Variants in PKDREJ observed in about 807,000 individuals in gnomAD.
PKDREJ encodes the protein polycystin family receptor for egg jelly.
For synonymous variants in PKDREJ, 1,031 were observed against 1,095.5 expected (o/e 0.94, Z 1.16); for missense variants, 2,507 against 2,807.2 (o/e 0.89, Z 2.42).
chr22:46,256,906 A>G lies in PKDREJ; in HGVS notation c.6417T>C (p.Thr2139=). 1.2e-6 allele frequency: 2 copies of G among 1,614,058 alleles called. No individual in the cohort carries two copies. Among genetic ancestry groups the G allele is most frequent in the Non-Finnish European group, 1.7e-6 (2 of 1,180,020 alleles). Residue 2139 remains threonine (T), a synonymous_variant, in exon 1 of 1, where the codon ACT becomes ACC. Transcript: ENST00000253255. The surrounding 1 kb of genome is among the most constrained non-coding windows in gnomAD (Gnocchi z 5.3). The part of the protein sequence containing the change: ...FSYCVSAFQN[T]EFSNNRILGV... ...CCAGAATCCTGTTATTGGAAAATTC[A>G]GTGTTCTGGAAAGCTGAGACACAAT...
chr22:46,256,724 A>C lies in PKDREJ; in HGVS notation c.6599T>G (p.Leu2200Arg). 1 of 1,614,168 alleles carries C rather than the reference A, an allele frequency of 6.2e-7. No individual in the cohort carries two copies. The highest frequency in any genetic ancestry group is 8.5e-7 in the Non-Finnish European group (1 of 1,180,036). ...GGTCAGAAAGCTGAACATGGTTCTCAGCTTACGGCACAAATAGGTCATTGC... is the reference window on the plus strand; with the variant it reads ...GGTCAGAAAGCTGAACATGGTTCTCCGCTTACGGCACAAATAGGTCATTGC... ...VEAMTYLCRK[L>R]RTMFSFLTSQ... Residue 2200 changes from leucine to arginine, a missense_variant, in exon 1 of 1, where the codon CTG (leucine) becomes CGG (arginine). Coordinates refer to ENST00000253255, the MANE Select transcript of PKDREJ (RefSeq NM_006071.2). The surrounding 1 kb of genome is among the most constrained non-coding windows in gnomAD (Gnocchi z 5.3).
chr22:46,257,497 A>C lies in PKDREJ; in HGVS notation c.5826T>G (p.Val1942=), dbSNP rs953635545. Residue 1942 remains valine (V), a synonymous_variant, in exon 1 of 1, where the codon GTT becomes GTG. Transcript: ENST00000253255. This position sits in a 1 kb window ranked among gnomAD's most constrained non-coding sequence, Gnocchi z 4.7. ...SVIFEVSQLG[V]VNTSISLHSF... The stretch of plus-strand genomic sequence containing the variant: ...AGTGCAGAGATATGCTTGTGTTGAC[A>C]ACTCCTAACTGAGAGACTTCAAATA... The C allele has an allele frequency of 1.9e-6, 3 of 1,614,010 alleles. No homozygotes were observed. Among genetic ancestry groups the C allele is most frequent in the African/African-American group, 1.3e-5 (1 of 74,944 alleles).
rs1260046585 is a variant in PKDREJ at position 46,262,296 on chromosome 22, C to A, written c.1027G>T (p.Asp343Tyr). Residue 343 changes from aspartate (D) to tyrosine (Y), a missense_variant, in exon 1 of 1, where the codon GAT (aspartate) becomes TAT (tyrosine). Coordinates refer to ENST00000253255, the MANE Select transcript of PKDREJ (RefSeq NM_006071.2). The surrounding 1 kb of genome is among the most constrained non-coding windows in gnomAD (Gnocchi z 8.1). ...GTGAAATTAGCTGTTATGTTGGCAT[C>A]GCCAAGCATCACCGCCTGCAGGGAA... The part of the protein sequence containing the change: ...RSSLQAVMLG[D>Y]ANITANFTEQ... The A allele has an allele frequency of 1.2e-6, 2 of 1,614,062 alleles. No individual in the cohort carries two copies. The highest frequency in any genetic ancestry group is 2.2e-5 in the South Asian group (2 of 91,090).
rs778708839 is a variant in PKDREJ, at chr22:46,259,606, T to C, written c.3717A>G (p.Gly1239=). The C allele has an allele frequency of 1.2e-6, 2 of 1,614,150 alleles. No homozygotes were observed. The highest frequency in any genetic ancestry group is 2.2e-5 in the South Asian group (2 of 91,084). ...CCCTGGTCCCAGACCCCCAACGACT[T>C]CCTGTAAAAATAGTCACCAAGTAGC... ...NLCYLVTIFT[G]SRWGSGTRAN... Residue 1239 remains glycine, a synonymous_variant, in exon 1 of 1, where the codon GGA becomes GGG. Coordinates refer to ENST00000253255, the MANE Select transcript of PKDREJ (RefSeq NM_006071.2). The surrounding 1 kb of genome is among the most constrained non-coding windows in gnomAD (Gnocchi z 6.8).
At position 46,263,032 on chromosome 22, in the gene PKDREJ, G is replaced by A; in HGVS notation, c.291C>T (p.Leu97=). Residue 97 remains leucine, a synonymous_variant, in exon 1 of 1, where the codon CTC becomes CTT. Coordinates refer to ENST00000253255, the MANE Select transcript of PKDREJ (RefSeq NM_006071.2). The surrounding 1 kb of genome is among the most constrained non-coding windows in gnomAD (Gnocchi z 9.4). The part of the protein sequence containing the change: ...RWYCLDLRVL[L]SAQRLPWPAA... ...CCGGCCAGGGCAGGCGTTGGGCGCT[G>A]AGCAGGACGCGCAAGTCGAGGCAGT... 1 of 1,323,152 alleles carries A rather than the reference G, an allele frequency of 7.6e-7. No individual in the cohort carries two copies. The highest frequency in any genetic ancestry group is 9.7e-7 in the Non-Finnish European group (1 of 1,026,490). The allele number at this position is 1,323,152 out of a possible 1,614,324, so 82.0% of individuals were successfully genotyped here.
Position 46,256,625 on chromosome 22 carries a change from T to A in PKDREJ, c.6698A>T (p.His2233Leu). 1 of 1,614,192 alleles carries A rather than the reference T, an allele frequency of 6.2e-7. No homozygotes were observed. Among genetic ancestry groups the A allele is most frequent in the East Asian group, 2.2e-5 (1 of 44,892 alleles). The change falls in exon 1 of 1, where the codon CAC becomes CTC. Residue 2233 changes from histidine (H) to leucine (L), a missense_variant. Transcript: ENST00000253255. This position sits in a 1 kb window ranked among gnomAD's most constrained non-coding sequence, Gnocchi z 5.3. The part of the protein sequence containing the change: ...MLYGQPEKNS[H>L]RYLGLKTRNI... Reference sequence around the variant, plus strand: ...TCTGGTCTTCAGCCCCAGATAACGGTGGCTGTTCTTCTCTGGCTGCCCATA... The same window carrying A: ...TCTGGTCTTCAGCCCCAGATAACGGAGGCTGTTCTTCTCTGGCTGCCCATA...
chr22:46,256,388 C>T lies in PKDREJ; in HGVS notation c.*173G>A, dbSNP rs1936631665. The T allele has an allele frequency of 7.0e-6, 8 of 1,147,892 alleles. No homozygotes were observed. In the South Asian group the frequency reaches 1.3e-4, roughly 18 times the overall value. The allele number at this position is 1,147,892 out of a possible 1,614,324, so 71.1% of individuals were successfully genotyped here. On this transcript the variant is annotated 3_prime_UTR_variant, in exon 1 of 1. Coordinates refer to ENST00000253255, the MANE Select transcript of PKDREJ (RefSeq NM_006071.2). This position sits in a 1 kb window ranked among gnomAD's most constrained non-coding sequence, Gnocchi z 5.3. ...TGCTACACTACACTCCCAACTTTTA[C>T]ACTCCCAAGAGCAGAGGACAAGATT...
Position 46,263,005 on chromosome 22 carries a change from G to C in PKDREJ, c.318C>G (p.Ala106=), listed in dbSNP as rs1936717145. The part of the protein sequence containing the change: ...LLSAQRLPWP[A]APALALVDLQ... ...GGTCGACGAGCGCGAGCGCGGGCGC[G>C]GCCGGCCAGGGCAGGCGTTGGGCGC... The change falls in exon 1 of 1, where the codon GCC becomes GCG. Residue 106 remains alanine (A), a synonymous_variant. Transcript: ENST00000253255. The surrounding 1 kb of genome is among the most constrained non-coding windows in gnomAD (Gnocchi z 9.4). The C allele has an allele frequency of 1.6e-6, 2 of 1,254,390 alleles. No individual in the cohort carries two copies. Among genetic ancestry groups the C allele is most frequent in the Middle Eastern group, 3.2e-4 (1 of 3,110 alleles). 77.7% of individuals were successfully genotyped at this position (1,254,390 alleles called of 1,614,324 possible).
chr22:46,262,398 C>A lies in PKDREJ; in HGVS notation c.925G>T (p.Val309Leu). The change falls in exon 1 of 1, where the codon GTG (valine) becomes TTG (leucine). Residue 309 changes from valine to leucine, a missense_variant. Coordinates refer to ENST00000253255, the MANE Select transcript of PKDREJ (RefSeq NM_006071.2). The surrounding 1 kb of genome is among the most constrained non-coding windows in gnomAD (Gnocchi z 8.1). Reference protein sequence around the residue: ...QWGVYVFNFTVSITTGNPKMP... With the variant: ...QWGVYVFNFTLSITTGNPKMP... ...TTGGGGTTCCCTGTGGTGATGGACA[C>A]CGTGAAATTAAACACATACACTCCC... 1 of 1,613,916 alleles carries A rather than the reference C, an allele frequency of 6.2e-7. No homozygotes were observed. The highest frequency in any genetic ancestry group is 1.3e-5 in the African/African-American group (1 of 75,052).
At position 46,259,434 on chromosome 22, in the gene PKDREJ, G is replaced by A. The variant is rs2147774882; in HGVS notation, c.3889C>T (p.Arg1297Cys). The change falls in exon 1 of 1, where the codon CGT (arginine) becomes TGT (cysteine). Residue 1297 changes from arginine to cysteine, a missense_variant. Transcript: ENST00000253255. This position sits in a 1 kb window ranked among gnomAD's most constrained non-coding sequence, Gnocchi z 6.8. ...CGACCCTCGTTGTTGTGCCACACACGGATGGAATGGATGTCCCCCAAGTCA... is the reference window on the plus strand; with the variant it reads ...CGACCCTCGTTGTTGTGCCACACACAGATGGAATGGATGTCCCCCAAGTCA... Reference protein sequence around the residue: ...KSDLGDIHSIRVWHNNEGRSP... With the variant: ...KSDLGDIHSICVWHNNEGRSP... 7 of 1,614,158 alleles carry A rather than the reference G, an allele frequency of 4.3e-6. No individual in the cohort carries two copies. Among genetic ancestry groups the A allele is most frequent in the South Asian group, 3.3e-5 (3 of 91,072 alleles).
Position 46,261,763 on chromosome 22 carries a change from CAGAT to C in PKDREJ, c.1556_1559del (p.Tyr519CysfsTer3). ...GCCGAAAAGCAAAAGCTTTTATAGA[CAGAT>C]AAGCACCATTCCTTCCTGTTACAGT... On this transcript the variant is annotated frameshift_variant, in exon 1 of 1. Coordinates refer to ENST00000253255, the MANE Select transcript of PKDREJ (RefSeq NM_006071.2). LOFTEE classifies it low-confidence loss of function (END_TRUNC). The surrounding 1 kb of genome is among the most constrained non-coding windows in gnomAD (Gnocchi z 7.1). 6.2e-7 allele frequency: 1 copy of C among 1,614,002 alleles called. No homozygotes were observed. Among genetic ancestry groups the C allele is most frequent in the Non-Finnish European group, 8.5e-7 (1 of 1,180,026 alleles).
In PKDREJ at chr22:46,257,712, C is replaced by T. The variant is rs1294334554; in HGVS notation, c.5611G>A (p.Gly1871Arg). 1.2e-6 allele frequency: 2 copies of T among 1,614,014 alleles called. No individual in the cohort carries two copies. The highest frequency in any genetic ancestry group is 1.7e-6 in the Non-Finnish European group (2 of 1,180,044). Residue 1871 changes from glycine (G) to arginine (R), a missense_variant, in exon 1 of 1, where the codon GGA becomes AGA. Transcript: ENST00000253255. This position sits in a 1 kb window ranked among gnomAD's most constrained non-coding sequence, Gnocchi z 4.7. ...QGTQWLYYSY[G>R]LLHTYGSGGY... ...CCAGATCCATAGGTGTGTAGTAGTC[C>T]ATAGGAATAATATAGCCATTGCGTT...
rs1323295439 is a variant in PKDREJ, at chr22:46,262,936, G to A, written c.387C>T (p.Ser129=). 1.9e-6 allele frequency: 2 copies of A among 1,078,424 alleles called. No individual in the cohort carries two copies. The highest frequency in any genetic ancestry group is 5.9e-5 in the East Asian group (1 of 16,872). 66.8% of individuals were successfully genotyped at this position (1,078,424 alleles called of 1,614,324 possible). A position where few individuals can be genotyped will look rare whatever the true frequency, so the allele number is the denominator to read the frequency against. ...GCCCGGGCGAGCGCGGCAGCCGCAC[G>A]GACCACGTCAGGGAGAGGCGGCCGC... ...ARGGRLSLTW[S]VRLPRSPGRL... Residue 129 remains serine (S), a synonymous_variant, in exon 1 of 1, where the codon TCC becomes TCT. Transcript: ENST00000253255. The surrounding 1 kb of genome is among the most constrained non-coding windows in gnomAD (Gnocchi z 8.1).
Position 46,261,938 on chromosome 22 carries a change from C to A in PKDREJ, c.1385G>T (p.Cys462Phe). ...QGPKAIAHIT[C>F]IENCERNFIV... Reference sequence around the variant, plus strand: ...GAAGTTTCTCTCACAATTTTCGATACATGTGATGTGTGCTATGGCTTTTGG... The same window carrying A: ...GAAGTTTCTCTCACAATTTTCGATAAATGTGATGTGTGCTATGGCTTTTGG... Residue 462 changes from cysteine (C) to phenylalanine (F), a missense_variant, in exon 1 of 1, where the codon TGT becomes TTT. Transcript: ENST00000253255. This position sits in a 1 kb window ranked among gnomAD's most constrained non-coding sequence, Gnocchi z 7.1. 1.9e-6 allele frequency: 3 copies of A among 1,614,152 alleles called. No homozygotes were observed. The highest frequency in any genetic ancestry group is 2.5e-6 in the Non-Finnish European group (3 of 1,180,018).
chr22:46,262,006 A>G lies in PKDREJ; in HGVS notation c.1317T>C (p.Ser439=), dbSNP rs1601856316. 1.9e-6 allele frequency: 3 copies of G among 1,614,130 alleles called. No homozygotes were observed. Among genetic ancestry groups the G allele is most frequent in the Non-Finnish European group, 8.5e-7 (1 of 1,180,004 alleles). ...CCCTCTTATCAGAAAACGCTGTCCT[A>G]GAGTCCTTCCGAATCACCATTCTGA... ...YFFRMVIRKD[S]RTAFSDKRVH... The change falls in exon 1 of 1, where the codon TCT becomes TCC. Residue 439 remains serine, a synonymous_variant. Coordinates refer to ENST00000253255, the MANE Select transcript of PKDREJ (RefSeq NM_006071.2). This position sits in a 1 kb window ranked among gnomAD's most constrained non-coding sequence, Gnocchi z 8.1.
rs780404824 is a variant in PKDREJ, at chr22:46,258,712, A to G, written c.4611T>C (p.Asn1537=). ...CTTCTATGTTGTTATTGGAATTTGT[A>G]TTTGGCCCGAGGGTCTCCGGGGTCT... ...QIKTPETLGP[N]TNSNNNIEDD... The change falls in exon 1 of 1, where the codon AAT becomes AAC. Residue 1537 remains asparagine (N), a synonymous_variant. Coordinates refer to ENST00000253255, the MANE Select transcript of PKDREJ (RefSeq NM_006071.2). The surrounding 1 kb of genome is among the most constrained non-coding windows in gnomAD (Gnocchi z 6.1). The G allele has an allele frequency of 9.9e-6, 16 of 1,614,124 alleles. No homozygotes were observed. The highest frequency in any genetic ancestry group is 1.7e-5 in the Admixed American group (1 of 60,020).
rs1430472471 is a variant in PKDREJ, at chr22:46,260,258, G to T, written c.3065C>A (p.Thr1022Lys). ...CACCAGGAAGGTGGCGACCAGCGCT[G>T]TGGGAGTGATCTGACTGCCTGTGTA... ...LVYTGSQITP[T>K]ALVATFLVPH... The change falls in exon 1 of 1, where the codon ACA (threonine) becomes AAA (lysine). Residue 1022 changes from threonine (T) to lysine (K), a missense_variant. Physicochemically the swap from Thr to Lys is moderately conservative, Grantham distance 78. Transcript: ENST00000253255. The surrounding 1 kb of genome is among the most constrained non-coding windows in gnomAD (Gnocchi z 4.5). 5 of 1,614,074 alleles carry T rather than the reference G, an allele frequency of 3.1e-6. No individual in the cohort carries two copies. The highest frequency in any genetic ancestry group is 4.2e-6 in the Non-Finnish European group (5 of 1,180,042).
In PKDREJ at chr22:46,259,798, G is replaced by A. The variant is rs1295661436; in HGVS notation, c.3525C>T (p.Asn1175=). The change falls in exon 1 of 1, where the codon AAC becomes AAT. Residue 1175 remains asparagine (N), a synonymous_variant. Coordinates refer to ENST00000253255, the MANE Select transcript of PKDREJ (RefSeq NM_006071.2). This position sits in a 1 kb window ranked among gnomAD's most constrained non-coding sequence, Gnocchi z 6.8. ...GGTTTTGGTGAAGGCTCTTGATGAT[G>A]TTTAACCGTAGATCCACAGGATTAG... The part of the protein sequence containing the change: ...VIPNPVDLRL[N]IIKSLHQNPV... 2 of 1,614,000 alleles carry A rather than the reference G, an allele frequency of 1.2e-6. No homozygotes were observed. The highest frequency in any genetic ancestry group is 1.7e-5 in the Admixed American group (1 of 60,020).
Position 46,260,559 on chromosome 22 carries a change from C to T in PKDREJ, c.2764G>A (p.Glu922Lys), listed in dbSNP as rs757083357. ...NDLFPWLNDQ[E>K]NTSVEVSGFR... ...CCAGACACCTCCACCGAAGTGTTTT[C>T]CTGATCATTTAACCAAGGAAAGAGG... Residue 922 changes from glutamate (E) to lysine (K), a missense_variant, in exon 1 of 1, where the codon GAA (glutamate) becomes AAA (lysine). Coordinates refer to ENST00000253255, the MANE Select transcript of PKDREJ (RefSeq NM_006071.2). This position sits in a 1 kb window ranked among gnomAD's most constrained non-coding sequence, Gnocchi z 4.5. The T allele has an allele frequency of 1.2e-6, 2 of 1,614,138 alleles. No homozygotes were observed. The highest frequency in any genetic ancestry group is 1.7e-6 in the Non-Finnish European group (2 of 1,180,032).
Sources: gnomAD v4.1 joint callset for allele counts on GRCh38, gnomAD v4.1.1 for gene constraint, Gnocchi (gnomAD v3.1) non-coding constraint, MANE v1.5 for transcripts, NCBI Gene and HGNC (gene_info 2026-07-23, HGNC 2026-07-21) for gene names.